Variants in CDK2AP1 observed in about 807,000 individuals in gnomAD.
CDK2AP1 encodes the protein cyclin-dependent kinase 2-associated protein 1.
Under a neutral mutation model 14.1 loss-of-function variants are expected in CDK2AP1, and 10 were observed. The ratio of observed to expected loss-of-function variants is 0.71; its 90% CI spans 0.44 to 1.20. The LOEUF (loss-of-function observed/expected upper bound fraction) is 1.20. Ranked by LOEUF, CDK2AP1 falls within the 50% of genes most tolerant of loss-of-function variation. The probability of loss-of-function intolerance (pLI) is 0.00; values close to 1 mark genes in which losing one functional copy is unlikely to be tolerated. For synonymous variants in CDK2AP1, 59 were observed against 59.8 expected (o/e 0.99, Z 0.06); for missense variants, 102 against 149.9 (o/e 0.68, Z 1.67).
At chr12:123,269,577 G>A (rs1324020146) in intron 1 of CDK2AP1, among the ~76,000 whole-genome samples, 2 of 152,252 alleles carry the variant, frequency 1.3e-5, no homozygotes, top group African/African-American at 2.4e-5. Flanking sequence ...GCAGAGGCCA[G>A]GAAGCTCCTG....
chr12:123,268,499 C>A (rs1251412749), intron 1 of CDK2AP1, among the ~76,000 whole-genome samples: 1 of 152,284 alleles, frequency 6.6e-6, no homozygotes, highest in African/African-American at 2.4e-5. Flanking sequence ...ACCTGCCCCT[C>A]TCTCCGAGAA....
chr12:123,263,915 C>T (rs1299991982), intron 3 of CDK2AP1, among the ~76,000 whole-genome samples: 2 of 151,326 alleles, frequency 1.3e-5, no homozygotes, highest in African/African-American at 2.4e-5. Flanking sequence ...ACCATCCTGG[C>T]CAACCAACAT....
chr12:123,269,403 C>A (rs949652509), intron 1 of CDK2AP1, among the ~76,000 whole-genome samples: 1 of 152,140 alleles, frequency 6.6e-6, no homozygotes. Flanking sequence ...TGTTCGGGGG[C>A]GGGGGGGTGT....
Position 123,265,109 on chromosome 12 carries a change from C to T in CDK2AP1, c.280+87G>A. ...CCCATGAGTGAGCCTCATCCCTAGC[C>T]CACCTTCCCACATTTTCCCCAAAAG... On this transcript the variant is annotated intron_variant, in intron 3 of 3. Transcript: ENST00000261692. The surrounding 1 kb of genome is among the most constrained non-coding windows in gnomAD (Gnocchi z 5.3). 6.4e-7 allele frequency: 1 copy of T among 1,559,614 alleles called. No homozygotes were observed. Among genetic ancestry groups the T allele is most frequent in the Non-Finnish European group, 8.8e-7 (1 of 1,139,278 alleles).
chr12:123,265,442 G>T lies in CDK2AP1; in HGVS notation c.154-120C>A. 1 of 905,326 alleles carries T rather than the reference G, an allele frequency of 1.1e-6. No homozygotes were observed. The highest frequency in any genetic ancestry group is 1.8e-6 in the Non-Finnish European group (1 of 570,500). 56.1% of individuals were successfully genotyped at this position (905,326 alleles called of 1,614,324 possible). On this transcript the variant is annotated intron_variant, in intron 2 of 3. Transcript: ENST00000261692. The surrounding 1 kb of genome is among the most constrained non-coding windows in gnomAD (Gnocchi z 5.3). ...TGCTTGGACCCAGGAGGTGGAAGTTGCAGTGAGCCAAGATCACTCCACTGC... is the reference window on the plus strand; with the variant it reads ...TGCTTGGACCCAGGAGGTGGAAGTTTCAGTGAGCCAAGATCACTCCACTGC...
intron 3 of CDK2AP1, among the ~76,000 whole-genome samples, chr12:123,264,326 G>A (rs1449023562): frequency 2.0e-5 from 3 of 151,568 alleles, no homozygotes; most frequent in African/African-American, 7.3e-5. Flanking sequence ...CAGGTGTGGT[G>A]GCACATGCCT....
At chr12:123,271,255 C>G (rs2048351516) in intron 1 of CDK2AP1, 1 of 151,532 alleles carries the variant, frequency 6.6e-6, no homozygotes, top group Non-Finnish European at 1.4e-5. Flanking sequence ...AAAAAGGAGC[C>G]GAGAACAAGC....
intron 3 of CDK2AP1, 68 bp from the exon 4 acceptor site, chr12:123,261,871 C>T (rs2048236157): frequency 9.4e-7 from 1 of 1,058,396 alleles, no homozygotes; most frequent in East Asian, 2.4e-5. Flanking sequence ...CATTCTGAAA[C>T]AGCAAGAGGA....
At chr12:123,264,462 CAAAAAAAAAAAAAAAAA>C (rs1167157405) in intron 3 of CDK2AP1, among the ~76,000 whole-genome samples, 15 of 69,860 alleles carry the variant, frequency 2.1e-4, no homozygotes, top group African/African-American at 5.0e-4. Context: ...CTCCGTCTCC[CAAAAAAAAAAAAAAAAA>C]AAAAAAAAAA....
chr12:123,267,429 C>T (rs1415788970), intron 1 of CDK2AP1, 147 bp from the exon 2 acceptor site: 3 of 627,142 alleles, frequency 4.8e-6, no homozygotes, highest in Non-Finnish European at 8.8e-6. Flanking sequence ...CCGGTTTGAC[C>T]AGCATATAAG....
At chr12:123,270,741 C>T (rs935129860) in intron 1 of CDK2AP1, 13 of 748,940 alleles carry the variant, frequency 1.7e-5, no homozygotes, top group Non-Finnish European at 2.0e-5. Context: ...TGAGGGGAGC[C>T]CCTCCCGGCT....
In CDK2AP1 at chr12:123,271,672, G is replaced by A. The variant is rs892374988; in HGVS notation, c.-54C>T. The A allele has an allele frequency of 5.1e-5, 38 of 749,564 alleles. No individual in the cohort carries two copies. The African/African-American group carries it at 7.3e-4, about 14-fold the overall frequency. 46.4% of individuals were successfully genotyped at this position (749,564 alleles called of 1,614,324 possible). A position where few individuals can be genotyped will look rare whatever the true frequency, so the allele number is the denominator to read the frequency against. ...GGCGGGGCCAGGCCGCGAGGGCGGC[G>A]GCGGCGGCGGCGAGGCCGGGCGGTA... is the stretch of plus-strand genomic sequence containing the variant. On this transcript the variant is annotated 5_prime_UTR_variant, in exon 1 of 4. Transcript: ENST00000261692.
chr12:123,270,244 A>G (rs1162856465), intron 1 of CDK2AP1: 1 of 977,904 alleles, frequency 1.0e-6, no homozygotes, highest in African/African-American at 1.8e-5. Context: ...TGAGAAAAAA[A>G]CAGTGGCTGT....
chr12:123,263,043 A>G (rs2048248970), intron 3 of CDK2AP1, among the ~76,000 whole-genome samples: 1 of 151,570 alleles, frequency 6.6e-6, no homozygotes, highest in Non-Finnish European at 1.5e-5. Context: ...GTACAACCCC[A>G]TCTCTACTAA....
chr12:123,262,301 C>T (rs988897842), intron 3 of CDK2AP1: 3 of 152,812 alleles, frequency 2.0e-5, no homozygotes, highest in African/African-American at 7.2e-5. Flanking sequence ...TACCTTCTGC[C>T]CGATGAATCT....
chr12:123,266,918 G>T (rs1271038381), intron 2 of CDK2AP1, among the ~76,000 whole-genome samples: 1 of 152,226 alleles, frequency 6.6e-6, no homozygotes, highest in African/African-American at 2.4e-5. Context: ...AGGAACGCGT[G>T]GGGTGGGAGC....
chr12:123,271,108 C>G, intron 1 of CDK2AP1: 1 of 800,652 alleles, frequency 1.2e-6, no homozygotes, highest in African/African-American at 1.9e-5. Context: ...GCCCTGCCCG[C>G]AGCGCCCCCC....
chr12:123,267,245 C>T lies in CDK2AP1; in HGVS notation c.93G>A (p.Thr31=), dbSNP rs200752416. The change falls in exon 2 of 4, where the codon ACG becomes ACA. Residue 31 remains threonine (T), a synonymous_variant. Coordinates refer to ENST00000261692, the MANE Select transcript of CDK2AP1 (RefSeq NM_004642.4). ...SVHSPSTSMA[T]SSQYRQLLSD... ...TGAGCAGCTGGCGGTACTGTGAAGA[C>T]GTTGCCATGCTGGTGGAAGGCGAGT... 1.1e-5 allele frequency: 17 copies of T among 1,613,410 alleles called. No individual in the cohort carries two copies. The highest frequency in any genetic ancestry group is 5.0e-5 in the Admixed American group (3 of 59,996).
At chr12:123,269,139 C>T in intron 1 of CDK2AP1, 1 of 152,698 alleles carries the variant, frequency 6.5e-6, no homozygotes, top group Non-Finnish European at 1.5e-5. Flanking sequence ...GGACTTCGTG[C>T]CAGCCCCAGC....
Sources: gnomAD v4.1 joint callset for allele counts (sites outside exome capture counted in the v4.1 genomes callset) on GRCh38, gnomAD v4.1.1 for gene constraint, Gnocchi (gnomAD v3.1) non-coding constraint, MANE v1.5 for transcripts, NCBI Gene and HGNC (gene_info 2026-07-23, HGNC 2026-07-21) for gene names.